EXOC4: variants seen among roughly 807,000 people sequenced by gnomAD.
EXOC4 encodes exocyst complex component 4, also known as SEC8-like 1.
Under a neutral mutation model 107.2 loss-of-function variants are expected in EXOC4, and 71 were observed. The ratio of observed to expected loss-of-function variants is 0.66; its 90% CI spans 0.55 to 0.81. EXOC4 has a LOEUF of 0.81. Ranked by LOEUF, EXOC4 falls within the 30% of genes least tolerant of loss-of-function variation. EXOC4 has a pLI of 0.00. For synonymous variants in EXOC4, 456 were observed against 441.2 expected, an observed-to-expected ratio of 1.03 and a Z score of -0.42; for missense variants, 1,108 against 1,189.6, an observed-to-expected ratio of 0.93 and a Z score of 1.01.
rs143596626 is a variant in EXOC4, at chr7:133,590,983, G to A, written c.1418-39062G>A. 2.8e-3 allele frequency among the ~76,000 whole-genome samples: 419 copies of A among 152,290 alleles called. 5 individuals carry two copies. Among genetic ancestry groups the A allele is most frequent in the African/African-American group, 9.5e-3 (393 of 41,568 alleles). ...GACACTGCTACATGGCTGATACAGG[G>A]CTCAGCCCTGCTGGTGCCCAAAGGC... On this transcript the variant is annotated intron_variant, in intron 9 of 17. Coordinates refer to ENST00000253861, the MANE Select transcript of EXOC4 (RefSeq NM_021807.4).
At chr7:133,279,822 A>G (rs1794089870) in intron 2 of EXOC4, among the ~76,000 whole-genome samples, 1 of 152,080 alleles carries the variant, frequency 6.6e-6, no homozygotes, top group African/African-American at 2.4e-5. Context: ...CCTGGCCTAC[A>G]TGTCTCATTT....
the EXOC4 span, among the ~76,000 whole-genome samples, chr7:134,080,920 C>T: frequency 6.6e-6 from 1 of 152,040 alleles, no homozygotes; most frequent in Admixed American, 6.6e-5. Flanking sequence ...CAGAGGGCAA[C>T]AGAAATGAGA....
At chr7:133,326,912 C>T (rs889939672) in intron 5 of EXOC4, among the ~76,000 whole-genome samples, 10 of 152,208 alleles carry the variant, frequency 6.6e-5, no homozygotes, top group Non-Finnish European at 1.5e-4. Context: ...CAATGGCAGG[C>T]GCCCCTTCCC....
intron 10 of EXOC4, among the ~76,000 whole-genome samples, chr7:133,733,907 A>G (rs1391024455): frequency 1.3e-5 from 2 of 152,206 alleles, no homozygotes; most frequent in South Asian, 2.1e-4. Flanking sequence ...TCATGATACT[A>G]TGCAAGTGAC....
At chr7:133,735,582 G>A (rs942509515) in intron 10 of EXOC4, among the ~76,000 whole-genome samples, 1 of 152,102 alleles carries the variant, frequency 6.6e-6, no homozygotes, top group African/African-American at 2.4e-5. Flanking sequence ...CCTCTGAAGA[G>A]TCTTCTTCTA....
At chr7:133,291,044 T>TC (rs1194778667) in intron 3 of EXOC4, 2 of 152,034 alleles carry the variant, frequency 1.3e-5, no homozygotes, top group African/African-American at 4.8e-5. Context: ...TTTTTTTTTT[T>TC]CATAATTCAG....
At chr7:133,263,876 T>A (rs967401971) in intron 1 of EXOC4, among the ~76,000 whole-genome samples, 6 of 152,162 alleles carry the variant, frequency 3.9e-5, no homozygotes, top group African/African-American at 1.4e-4. Flanking sequence ...CCTAGACACT[T>A]TAACAATAAC....
chr7:133,300,257 C>T (rs914534612), intron 3 of EXOC4, among the ~76,000 whole-genome samples: 2 of 152,170 alleles, frequency 1.3e-5, no homozygotes, highest in African/African-American at 2.4e-5. Flanking sequence ...TGGCCTTGCT[C>T]CTGATGCAGC....
At chr7:133,297,650 A>G (rs903015668) in intron 3 of EXOC4, among the ~76,000 whole-genome samples, 2 of 152,342 alleles carry the variant, frequency 1.3e-5, no homozygotes, top group South Asian at 4.1e-4. Flanking sequence ...GAAATATAGT[A>G]CAGGAAAAGT....
At chr7:133,325,616 C>T (rs557913883) in intron 5 of EXOC4, among the ~76,000 whole-genome samples, 16 of 152,240 alleles carry the variant, frequency 1.1e-4, no homozygotes, top group Non-Finnish European at 1.6e-4. Flanking sequence ...GTGGGTAACC[C>T]GACCTTTCTC....
At chr7:133,534,703 C>T (rs865896865) in intron 9 of EXOC4, among the ~76,000 whole-genome samples, 1 of 152,214 alleles carries the variant, frequency 6.6e-6, no homozygotes, top group Middle Eastern at 3.4e-3. Flanking sequence ...CCAAATCAAA[C>T]AAAAGAAGGA....
At chr7:133,921,294 G>T (rs1799929969) in intron 13 of EXOC4, among the ~76,000 whole-genome samples, 1 of 152,134 alleles carries the variant, frequency 6.6e-6, no homozygotes, top group Admixed American at 6.5e-5. Flanking sequence ...GCCCTCAATG[G>T]ATTGGATGAT....
chr7:133,517,348 A>T lies in EXOC4; in HGVS notation c.1417+37210A>T, dbSNP rs140333321. 4.8e-3 allele frequency among the ~76,000 whole-genome samples: 728 copies of T among 152,286 alleles called. 4 individuals are homozygous for T. Among genetic ancestry groups the T allele is most frequent in the Middle Eastern group, 0.017 (5 of 294 alleles). On this transcript the variant is annotated intron_variant, in intron 9 of 17. Transcript: ENST00000253861. ...ATTGTCTGTTGAGATGGGAAAATGAAGCCTACAAATCTATTAATCATTTGA... is the reference window on the plus strand; with the variant it reads ...ATTGTCTGTTGAGATGGGAAAATGATGCCTACAAATCTATTAATCATTTGA...
chr7:133,921,640 A>G (rs1799939498), intron 13 of EXOC4, among the ~76,000 whole-genome samples: 1 of 151,996 alleles, frequency 6.6e-6, no homozygotes, highest in Admixed American at 6.5e-5. Context: ...TATACTTTGA[A>G]TATGATATGC....
At chr7:133,966,911 C>T (rs1801084109) in intron 14 of EXOC4, among the ~76,000 whole-genome samples, 1 of 152,128 alleles carries the variant, frequency 6.6e-6, no homozygotes, top group East Asian at 1.9e-4. Flanking sequence ...GCACCAGCTC[C>T]TTTTTGTACC....
chr7:133,551,299 G>A (rs1012678051), intron 9 of EXOC4, among the ~76,000 whole-genome samples: 3 of 151,778 alleles, frequency 2.0e-5, no homozygotes, highest in East Asian at 1.9e-4. Context: ...TGGACTAAAC[G>A]TACTTTTTAG....
chr7:133,484,058 C>T (rs1799218831), intron 9 of EXOC4: 5 of 1,613,938 alleles, frequency 3.1e-6, no homozygotes. Flanking sequence ...CGAAGAAATC[C>T]ACCAGAAAGA....
chr7:133,653,644 T>G (rs1803216687), intron 10 of EXOC4, among the ~76,000 whole-genome samples: 1 of 152,186 alleles, frequency 6.6e-6, no homozygotes, highest in Admixed American at 6.5e-5. Flanking sequence ...TTTCCCTATA[T>G]AGCTGAGTAT....
Position 133,817,427 on chromosome 7 carries a change from A to G in EXOC4, c.1617A>G (p.Gln539=). ...ACATCAAAAACATCTTTCTCAATCA[A>G]GTCTTGGCTGAGATCAACAAGGAGA... ...TVYIKNIFLN[Q]VLAEINKEIE... Residue 539 remains glutamine, a synonymous_variant, in exon 11 of 18, where the codon CAA becomes CAG. Coordinates refer to ENST00000253861, the MANE Select transcript of EXOC4 (RefSeq NM_021807.4). 6.2e-7 allele frequency: 1 copy of G among 1,614,080 alleles called. No homozygotes were observed. Among genetic ancestry groups the G allele is most frequent in the South Asian group, 1.1e-5 (1 of 91,078 alleles).
Sources: allele counts gnomAD v4.1 joint callset (sites outside exome capture counted in the v4.1 genomes callset), GRCh38; gene constraint gnomAD v4.1.1; transcripts MANE v1.5; gene names NCBI Gene and HGNC (gene_info 2026-07-23, HGNC 2026-07-21).